The following LMO7 variants were observed in gnomAD, a reference collection of about 807,000 sequenced individuals.
The protein encoded by LMO7 is LIM domain only protein 7.
A neutral mutation model predicts 206.5 loss-of-function variants in LMO7; 120 were observed. The observed-to-expected ratio is 0.58, with a 90% CI of 0.50 to 0.68. The LOEUF (loss-of-function observed/expected upper bound fraction) is 0.68. Ranked by LOEUF, LMO7 falls within the 30% of genes least tolerant of loss-of-function variation. The pLI is 0.00. For missense variants in LMO7, 1,959 were observed against 1,957.9 expected, an observed-to-expected ratio of 1.00 and a Z score of -0.01; for synonymous variants, 706 against 681.5, an observed-to-expected ratio of 1.04 and a Z score of -0.56.
chr13:75,747,921 T>C (rs1431010806), intron 3 of LMO7, among the ~76,000 whole-genome samples: 2 of 152,158 alleles, frequency 1.3e-5, no homozygotes, highest in Non-Finnish European at 2.9e-5. Flanking sequence ...GATAGATGGC[T>C]GAGTGAGGGA....
At chr13:75,848,979 T>C in intron 26 of LMO7, 100 bp from the exon 27 acceptor site, 2 of 690,492 alleles carry the variant, frequency 2.9e-6, no homozygotes, top group East Asian at 2.7e-5. Context: ...TATCACATTA[T>C]GGTTTTGATT....
intron 3 of LMO7, among the ~76,000 whole-genome samples, chr13:75,733,894 G>A (rs1416246687): frequency 6.6e-6 from 1 of 152,194 alleles, no homozygotes. Flanking sequence ...ACCTTCTGAA[G>A]CTCAGCCCTG....
At chr13:75,746,201 G>A (rs1279645121) in intron 3 of LMO7, among the ~76,000 whole-genome samples, 1 of 152,108 alleles carries the variant, frequency 6.6e-6, no homozygotes, top group Non-Finnish European at 1.5e-5. Context: ...AAGGTTGGTG[G>A]GGGTAGGGGA....
intron 1 of LMO7, among the ~76,000 whole-genome samples, chr13:75,709,311 C>T (rs1806275599): frequency 6.6e-6 from 1 of 152,050 alleles, no homozygotes; most frequent in Non-Finnish European, 1.5e-5. Flanking sequence ...GGGTATATAC[C>T]CAGTAATGGG....
At chr13:75,695,165 A>G (rs998275482) in intron 1 of LMO7, among the ~76,000 whole-genome samples, 1 of 152,256 alleles carries the variant, frequency 6.6e-6, no homozygotes, top group African/African-American at 2.4e-5. Flanking sequence ...GAATCCATGT[A>G]TAACCTATAC....
chr13:75,833,647 A>G (rs1285837593), intron 16 of LMO7, among the ~76,000 whole-genome samples: 1 of 152,184 alleles, frequency 6.6e-6, no homozygotes. Flanking sequence ...TGTCAAGCCC[A>G]GGAACTCTTT....
At chr13:75,731,937 G>A (rs919840309) in intron 3 of LMO7, among the ~76,000 whole-genome samples, 107 of 151,030 alleles carry the variant, frequency 7.1e-4, no homozygotes, top group Non-Finnish European at 2.7e-4. Context: ...TTCTTTAAGA[G>A]TGTTGAATAT....
At chr13:75,621,972 G>T (rs552364447) in intron 1 of LMO7, 3 of 706,524 alleles carry the variant, frequency 4.2e-6, no homozygotes, top group East Asian at 6.2e-5. Flanking sequence ...GTGGAAAAGA[G>T]GTCAGTAGGA....
intron 4 of LMO7, among the ~76,000 whole-genome samples, chr13:75,781,348 A>G (rs1479997537): frequency 4.7e-5 from 6 of 128,958 alleles, no homozygotes; most frequent in Admixed American, 9.1e-5. Flanking sequence ...TCATTGTTCA[A>G]TTCCCACCTA....
chr13:75,654,104 A>C (rs1292865551), intron 1 of LMO7, among the ~76,000 whole-genome samples: 2 of 152,178 alleles, frequency 1.3e-5, no homozygotes, highest in Non-Finnish European at 2.9e-5. Context: ...GAAATTTGGA[A>C]TGTATATTAA....
At position 75,700,410 on chromosome 13, in the gene LMO7, A is replaced by C. The variant is rs371202609; in HGVS notation, c.70-12772A>C. On this transcript the variant is annotated intron_variant, in intron 1 of 30. Transcript: ENST00000377534. ...AAAGTATTCATTTGGAGAACTAATAAATGTACATGAAATCTTCACAATTTA... is the reference window on the plus strand; with the variant it reads ...AAAGTATTCATTTGGAGAACTAATACATGTACATGAAATCTTCACAATTTA... Among the ~76,000 whole-genome samples the C allele has an allele frequency of 9.8e-5, 15 of 152,334 alleles. No individual in the cohort carries two copies. The East Asian group carries it at 2.7e-3, about 27-fold the overall frequency.
intron 1 of LMO7, among the ~76,000 whole-genome samples, chr13:75,676,519 A>T (rs2040030691): frequency 6.6e-6 from 1 of 152,160 alleles, no homozygotes; most frequent in Admixed American, 6.5e-5. Flanking sequence ...GGAGAGCAAG[A>T]ATTTGTTAGG....
Position 75,704,779 on chromosome 13 carries a change from C to CA in LMO7, c.70-8402dup, listed in dbSNP as rs1404046237. On this transcript the variant is annotated intron_variant, in intron 1 of 30. Transcript: ENST00000377534. ...GAACTGGAACTGAGCGATAGAGCTTCAGAGAAACTTGTTGTTTACATTGGC... is the reference window on the plus strand; with the variant it reads ...GAACTGGAACTGAGCGATAGAGCTTCAAGAGAAACTTGTTGTTTACATTGGC... Among the ~76,000 whole-genome samples the CA allele has an allele frequency of 7.9e-5, 12 of 152,316 alleles. No homozygotes were observed. In the East Asian group the frequency reaches 2.3e-3, roughly 29 times the overall value.
At chr13:75,673,765 A>C (rs139953944) in intron 1 of LMO7, among the ~76,000 whole-genome samples, 2 of 152,356 alleles carry the variant, frequency 1.3e-5, no homozygotes, top group African/African-American at 4.8e-5. Flanking sequence ...CTGATTATGA[A>C]GGAAATAATG....
At position 75,859,423 on chromosome 13, in the gene LMO7, T is replaced by G. The variant is rs1179853258; in HGVS notation, c.*1480T>G. 6.6e-6 allele frequency: 1 copy of G among 152,206 alleles called. No individual in the cohort carries two copies. The highest frequency in any genetic ancestry group is 1.5e-5 in the Non-Finnish European group (1 of 68,038). The allele number at this position is 152,206 out of a possible 1,614,324, so 9.4% of individuals were successfully genotyped here. A position where few individuals can be genotyped will look rare whatever the true frequency, so the allele number is the denominator to read the frequency against. On this transcript the variant is annotated 3_prime_UTR_variant, in exon 31 of 31. Coordinates refer to ENST00000377534, the MANE Select transcript of LMO7 (RefSeq NM_001306080.2). ...ATTATTTATAAGTATAGATTGTGAA[T>G]TTTTCCATGTTCTTAAAATTATTTT... is the stretch of plus-strand genomic sequence containing the variant.
intron 1 of LMO7, among the ~76,000 whole-genome samples, chr13:75,623,021 A>G (rs59097614): frequency 0.073 from 11,128 of 152,222 alleles, 1,321 homozygotes; most frequent in African/African-American, 0.25. Flanking sequence ...AAACCACTAG[A>G]AAAGCAAAAA....
chr13:75,756,597 G>A (rs991820568), intron 3 of LMO7, among the ~76,000 whole-genome samples: 8 of 152,112 alleles, frequency 5.3e-5, no homozygotes, highest in African/African-American at 1.9e-4. Flanking sequence ...GAATTTCTGT[G>A]GACCAGTGAC....
chr13:75,804,398 C>T lies in LMO7; in HGVS notation c.771C>T (p.Pro257=), dbSNP rs1236815744. 1.9e-6 allele frequency: 3 copies of T among 1,614,140 alleles called. No homozygotes were observed. The South Asian group carries it at 3.3e-5, about 18-fold the overall frequency. The change falls in exon 8 of 31, where the codon CCC becomes CCT. Residue 257 remains proline, a synonymous_variant. Transcript: ENST00000377534. The stretch of plus-strand genomic sequence containing the variant: ...CTGTTGAGCCAAAGACTGCGTTACC[C>T]TTCAATCGTTTTTTACCCAACAAAA... The part of the protein sequence containing the change: ...ISAVEPKTAL[P]FNRFLPNKSR...
intron 18 of LMO7, among the ~76,000 whole-genome samples, chr13:75,835,814 A>G (rs2059067157): frequency 6.6e-6 from 1 of 152,198 alleles, no homozygotes; most frequent in Non-Finnish European, 1.5e-5. Context: ...AGAGATAATC[A>G]GTTTCATTAA....
Sources: allele counts gnomAD v4.1 joint callset (sites outside exome capture counted in the v4.1 genomes callset), GRCh38; gene constraint gnomAD v4.1.1; transcripts MANE v1.5; gene names NCBI Gene and HGNC (gene_info 2026-07-23, HGNC 2026-07-21).